Variants in BTBD6 observed in about 807,000 individuals in gnomAD.
BTBD6 encodes the protein BTB domain containing 6.
Under a neutral mutation model 40.6 loss-of-function variants are expected in BTBD6, and 30 were observed. That is an observed-to-expected ratio of 0.74 (90% CI 0.55 to 1.00). The LOEUF is 1.00. Ranked by LOEUF, BTBD6 falls within the 50% of genes least tolerant of loss-of-function variation. The probability of loss-of-function intolerance (pLI) is 0.00; values close to 1 mark genes in which losing one functional copy is unlikely to be tolerated. For synonymous variants in BTBD6, 378 were observed against 308.7 expected, an observed-to-expected ratio of 1.22 and a Z score of -2.35; for missense variants, 698 against 694.6, an observed-to-expected ratio of 1.00 and a Z score of -0.06.
chr14:105,249,269 C>T (rs754443062), intron 2 of BTBD6, 22 bp downstream of exon 2: 13 of 1,563,564 alleles, frequency 8.3e-6, no homozygotes, highest in South Asian at 8.1e-5. Flanking sequence ...CGGCCCCTCT[C>T]GGAACGCGTG....
rs752956082 is a variant in BTBD6, at chr14:105,249,907, G to A, written c.852G>A (p.Thr284=). The change falls in exon 4 of 4, where the codon ACG becomes ACA. Residue 284 remains threonine (T), a synonymous_variant. Coordinates refer to ENST00000392554, the MANE Select transcript of BTBD6 (RefSeq NM_001387567.1). ...SEGFCEIDRQ[T]LEIIVTREAL... ...GCTTCTGTGAGATAGACCGGCAGAC[G>A]CTGGAGATCATTGTCACTCGGGAGG... 6.8e-6 allele frequency: 11 copies of A among 1,611,168 alleles called. No individual in the cohort carries two copies. The highest frequency in any genetic ancestry group is 9.3e-6 in the Non-Finnish European group (11 of 1,179,968).
Position 105,249,097 on chromosome 14 carries a change from C to T in BTBD6, c.374+12C>T, listed in dbSNP as rs1218759105. The T allele has an allele frequency of 2.1e-5, 31 of 1,485,976 alleles. No individual in the cohort carries two copies. The highest frequency in any genetic ancestry group is 2.8e-5 in the Non-Finnish European group (31 of 1,126,454). The allele number at this position is 1,485,976 out of a possible 1,614,324, so 92.0% of individuals were successfully genotyped here. ...ACGCTGCGCGAGAGGTGAGCCCGTG[C>T]CCCGCGGCCCCCGCGCCCGCGCGCG... On this transcript the variant is annotated intron_variant, in intron 1 of 3. Coordinates refer to ENST00000392554, the MANE Select transcript of BTBD6 (RefSeq NM_001387567.1).
In BTBD6 at chr14:105,250,262, C is replaced by G; in HGVS notation, c.1207C>G (p.Gln403Glu). The change falls in exon 4 of 4, where the codon CAG (glutamine) becomes GAG (glutamate). Residue 403 changes from glutamine (Q) to glutamate (E), a missense_variant. Transcript: ENST00000392554. ...CCAGTCTTCTGCCTACCGCAGCAAC[C>G]AGTGGCGGTACCGCGGGCGCTGCGA... ...RFQSSAYRSN[Q>E]WRYRGRCDSI... is the part of the protein sequence containing the mutation. 2.5e-6 allele frequency: 4 copies of G among 1,613,130 alleles called. No homozygotes were observed. The highest frequency in any genetic ancestry group is 3.4e-6 in the Non-Finnish European group (4 of 1,180,040).
chr14:105,248,802 C>T lies in BTBD6; in HGVS notation c.91C>T (p.Arg31Cys). 6 of 983,158 alleles carry T rather than the reference C, an allele frequency of 6.1e-6. No homozygotes were observed. Among genetic ancestry groups the T allele is most frequent in the Non-Finnish European group, 7.2e-6 (6 of 830,248 alleles). 60.9% of individuals were successfully genotyped at this position (983,158 alleles called of 1,614,324 possible). The change falls in exon 1 of 4, where the codon CGC becomes TGC. Residue 31 changes from arginine (R) to cysteine (C), a missense_variant. By Grantham distance (180) the Arg-to-Cys change is radical. Coordinates refer to ENST00000392554, the MANE Select transcript of BTBD6 (RefSeq NM_001387567.1). ...TGCAGAGCCGCTCCCGAGGCCCCGGCGCGGCGCGAGGGCGCGGGGCGCGGC... is the reference window on the plus strand; with the variant it reads ...TGCAGAGCCGCTCCCGAGGCCCCGGTGCGGCGCGAGGGCGCGGGGCGCGGC... ...LLAEPLPRPRRGARARGAAST... is the reference protein window; with the variant it reads ...LLAEPLPRPRCGARARGAAST...
In BTBD6 at chr14:105,250,747, A is replaced by G. The variant is rs1259663311; in HGVS notation, c.*75A>G. The G allele has an allele frequency of 1.8e-5, 26 of 1,418,180 alleles. No individual in the cohort carries two copies. Among genetic ancestry groups the G allele is most frequent in the Middle Eastern group, 2.6e-4 (1 of 3,910 alleles). The allele number at this position is 1,418,180 out of a possible 1,614,324, so 87.8% of individuals were successfully genotyped here. A position where few individuals can be genotyped will look rare whatever the true frequency, so the allele number is the denominator to read the frequency against. ...AAGATGCTAACTGCTTCTTGACACC[A>G]TGAAAGGCTGCTCTTAACTTTGTCT... On this transcript the variant is annotated 3_prime_UTR_variant, in exon 4 of 4. Coordinates refer to ENST00000392554, the MANE Select transcript of BTBD6 (RefSeq NM_001387567.1).
Position 105,248,568 on chromosome 14 carries a change from C to CGCGG in BTBD6, c.-144_-143insGCGG. 1 of 203,502 alleles carries CGCGG rather than the reference C, an allele frequency of 4.9e-6. No individual in the cohort carries two copies. Among genetic ancestry groups the CGCGG allele is most frequent in the African/African-American group, 5.1e-5 (1 of 19,430 alleles). 12.6% of individuals were successfully genotyped at this position (203,502 alleles called of 1,614,324 possible). A position where few individuals can be genotyped will look rare whatever the true frequency, so the allele number is the denominator to read the frequency against. ...GCACCGGCGCCGCGGCGGGTACGGG[C>CGCGG]TCGGGCGGGCGGGCGGGCGGGACGG... On this transcript the variant is annotated 5_prime_UTR_variant, in exon 1 of 4. Coordinates refer to ENST00000392554, the MANE Select transcript of BTBD6 (RefSeq NM_001387567.1).
At position 105,248,851 on chromosome 14, in the gene BTBD6, C is replaced by T; in HGVS notation, c.140C>T (p.Pro47Leu). 1.0e-6 allele frequency: 1 copy of T among 990,676 alleles called. No homozygotes were observed. The highest frequency in any genetic ancestry group is 1.2e-6 in the Non-Finnish European group (1 of 834,724). 61.4% of individuals were successfully genotyped at this position (990,676 alleles called of 1,614,324 possible). The stretch of plus-strand genomic sequence containing the variant: ...GCGTCCACAGGCGCCGAGGCTGCCC[C>T]CGCCGCCCCGCCCGCGAAGATGGCG... ...GAASTGAEAA[P>L]AAPPAKMAAE... is the part of the protein sequence containing the mutation. Residue 47 changes from proline to leucine, a missense_variant, in exon 1 of 4, where the codon CCC (proline) becomes CTC (leucine). Coordinates refer to ENST00000392554, the MANE Select transcript of BTBD6 (RefSeq NM_001387567.1).
chr14:105,248,811 A>T lies in BTBD6; in HGVS notation c.100A>T (p.Arg34Trp). ...GCTCCCGAGGCCCCGGCGCGGCGCGAGGGCGCGGGGCGCGGCGTCCACAGG... is the reference window on the plus strand; with the variant it reads ...GCTCCCGAGGCCCCGGCGCGGCGCGTGGGCGCGGGGCGCGGCGTCCACAGG... ...EPLPRPRRGARARGAASTGAE... is the reference protein window; with the variant it reads ...EPLPRPRRGAWARGAASTGAE... The change falls in exon 1 of 4, where the codon AGG (arginine) becomes TGG (tryptophan). Residue 34 changes from arginine to tryptophan, a missense_variant. Physicochemically the swap from Arg to Trp is moderately radical, Grantham distance 101 (BLOSUM62 -3). Transcript: ENST00000392554. 2.0e-6 allele frequency: 2 copies of T among 983,466 alleles called. No individual in the cohort carries two copies. The highest frequency in any genetic ancestry group is 2.4e-6 in the Non-Finnish European group (2 of 830,728). 60.9% of individuals were successfully genotyped at this position (983,466 alleles called of 1,614,324 possible).
At position 105,250,918 on chromosome 14, in the gene BTBD6, C is replaced by T. The variant is rs1409789835; in HGVS notation, c.*246C>T. On this transcript the variant is annotated 3_prime_UTR_variant, in exon 4 of 4. Transcript: ENST00000392554. ...AAGATTTACGGCTCAAGACAGGCCC[C>T]AGATCCCCTCCCAGTGGCACCCATG... 7.8e-6 allele frequency: 4 copies of T among 515,624 alleles called. No individual in the cohort carries two copies. Among genetic ancestry groups the T allele is most frequent in the African/African-American group, 7.7e-5 (4 of 52,122 alleles). The allele number at this position is 515,624 out of a possible 1,614,324, so 31.9% of individuals were successfully genotyped here. A position where few individuals can be genotyped will look rare whatever the true frequency, so the allele number is the denominator to read the frequency against.
chr14:105,249,454 C>T lies in BTBD6; in HGVS notation c.560C>T (p.Pro187Leu). 2 of 1,613,658 alleles carry T rather than the reference C, an allele frequency of 1.2e-6. No homozygotes were observed. Among genetic ancestry groups the T allele is most frequent in the Non-Finnish European group, 1.7e-6 (2 of 1,180,016 alleles). ...GAAATTCACATTCCAGACGTGGAGCCCGCAGCCTTTCTGATCCTCTTAAAG... is the reference window on the plus strand; with the variant it reads ...GAAATTCACATTCCAGACGTGGAGCTCGCAGCCTTTCTGATCCTCTTAAAG... The part of the protein sequence containing the change: ...KSEIHIPDVE[P>L]AAFLILLKYM... The change falls in exon 3 of 4, where the codon CCC (proline) becomes CTC (leucine). Residue 187 changes from proline (P) to leucine (L), a missense_variant. Physicochemically the swap from Pro to Leu is moderately conservative, Grantham distance 98 (BLOSUM62 -3). Coordinates refer to ENST00000392554, the MANE Select transcript of BTBD6 (RefSeq NM_001387567.1).
chr14:105,248,687 G>A lies in BTBD6; in HGVS notation c.-25G>A, dbSNP rs1182330309. ...TGGCAGGGGAGCGGGTGGCAGCCCCGCGGGTCACAGCGCCGCCGCCGCCCA... is the reference window on the plus strand; with the variant it reads ...TGGCAGGGGAGCGGGTGGCAGCCCCACGGGTCACAGCGCCGCCGCCGCCCA... On this transcript the variant is annotated 5_prime_UTR_variant, in exon 1 of 4. Coordinates refer to ENST00000392554, the MANE Select transcript of BTBD6 (RefSeq NM_001387567.1). 2 of 981,874 alleles carry A rather than the reference G, an allele frequency of 2.0e-6. No individual in the cohort carries two copies. Among genetic ancestry groups the A allele is most frequent in the Non-Finnish European group, 2.4e-6 (2 of 829,062 alleles). 60.8% of individuals were successfully genotyped at this position (981,874 alleles called of 1,614,324 possible). A position where few individuals can be genotyped will look rare whatever the true frequency, so the allele number is the denominator to read the frequency against.
Position 105,248,673 on chromosome 14 carries a change from C to G in BTBD6, c.-39C>G. 1.0e-6 allele frequency: 1 copy of G among 981,518 alleles called. No homozygotes were observed. Among genetic ancestry groups the G allele is most frequent in the Non-Finnish European group, 1.2e-6 (1 of 828,774 alleles). The allele number at this position is 981,518 out of a possible 1,614,324, so 60.8% of individuals were successfully genotyped here. On this transcript the variant is annotated 5_prime_UTR_variant, in exon 1 of 4. Transcript: ENST00000392554. ...CGCAGGGGCGGGGGTGGCAGGGGAG[C>G]GGGTGGCAGCCCCGCGGGTCACAGC...
chr14:105,248,674 G>A lies in BTBD6; in HGVS notation c.-38G>A, dbSNP rs1249198904. Reference sequence around the variant, plus strand: ...GCAGGGGCGGGGGTGGCAGGGGAGCGGGTGGCAGCCCCGCGGGTCACAGCG... The same window carrying A: ...GCAGGGGCGGGGGTGGCAGGGGAGCAGGTGGCAGCCCCGCGGGTCACAGCG... On this transcript the variant is annotated 5_prime_UTR_variant, in exon 1 of 4. Coordinates refer to ENST00000392554, the MANE Select transcript of BTBD6 (RefSeq NM_001387567.1). 2.8e-5 allele frequency: 27 copies of A among 981,704 alleles called. 2 individuals are homozygous for A. Among genetic ancestry groups the A allele is most frequent in the South Asian group, 1.4e-4 (3 of 21,300 alleles). The allele number at this position is 981,704 out of a possible 1,614,324, so 60.8% of individuals were successfully genotyped here.
In BTBD6 at chr14:105,250,743, C is replaced by A; in HGVS notation, c.*71C>A. ...AGTCAAGATGCTAACTGCTTCTTGA[C>A]ACCATGAAAGGCTGCTCTTAACTTT... is the stretch of plus-strand genomic sequence containing the variant. On this transcript the variant is annotated 3_prime_UTR_variant, in exon 4 of 4. Coordinates refer to ENST00000392554, the MANE Select transcript of BTBD6 (RefSeq NM_001387567.1). The A allele has an allele frequency of 6.9e-7, 1 of 1,454,410 alleles. No individual in the cohort carries two copies. The highest frequency in any genetic ancestry group is 9.4e-7 in the Non-Finnish European group (1 of 1,067,116). The allele number at this position is 1,454,410 out of a possible 1,614,324, so 90.1% of individuals were successfully genotyped here.
At position 105,248,565 on chromosome 14, in the gene BTBD6, G is replaced by A; in HGVS notation, c.-147G>A. ...GACGCACCGGCGCCGCGGCGGGTAC[G>A]GGCTCGGGCGGGCGGGCGGGCGGGA... On this transcript the variant is annotated 5_prime_UTR_variant, in exon 1 of 4. Coordinates refer to ENST00000392554, the MANE Select transcript of BTBD6 (RefSeq NM_001387567.1). The A allele has an allele frequency of 4.7e-6, 4 of 843,018 alleles. No individual in the cohort carries two copies. Among genetic ancestry groups the A allele is most frequent in the Non-Finnish European group, 5.6e-6 (4 of 715,952 alleles). 52.2% of individuals were successfully genotyped at this position (843,018 alleles called of 1,614,324 possible).
At position 105,249,710 on chromosome 14, in the gene BTBD6, T is replaced by C; in HGVS notation, c.655T>C (p.Tyr219His). 6.2e-7 allele frequency: 1 copy of C among 1,613,816 alleles called. No homozygotes were observed. Among genetic ancestry groups the C allele is most frequent in the South Asian group, 1.1e-5 (1 of 91,084 alleles). ...GGCCACTCTGTACGCTGCTAAGAAG[T>C]ACATCGTCCCAGCATTGGCAAAAGC... The part of the protein sequence containing the change: ...VLATLYAAKK[Y>H]IVPALAKACV... The change falls in exon 4 of 4, where the codon TAC becomes CAC. Residue 219 changes from tyrosine (Y) to histidine (H), a missense_variant. Coordinates refer to ENST00000392554, the MANE Select transcript of BTBD6 (RefSeq NM_001387567.1).
rs759463644 is a variant in BTBD6 at position 105,249,353 on chromosome 14, C to T, written c.466-7C>T. 6 of 1,609,334 alleles carry T rather than the reference C, an allele frequency of 3.7e-6. No individual in the cohort carries two copies. Among genetic ancestry groups the T allele is most frequent in the South Asian group, 1.1e-5 (1 of 90,480 alleles). On this transcript the variant is annotated splice_region_variant and splice_polypyrimidine_tract_variant and intron_variant, in intron 2 of 3. Transcript: ENST00000392554. ...GCCAGGCTCACGGCGGCGCTTTCTC[C>T]TCCCAGTACGTCTTGGCTGTCGGCA...
Position 105,250,450 on chromosome 14 carries a change from C to G in BTBD6, c.1395C>G (p.Asn465Lys). The change falls in exon 4 of 4, where the codon AAC (asparagine) becomes AAG (lysine). Residue 465 changes from asparagine (N) to lysine (K), a missense_variant. Coordinates refer to ENST00000392554, the MANE Select transcript of BTBD6 (RefSeq NM_001387567.1). ...LTKFMSDGSSNTFPVWFEHPV... is the reference protein window; with the variant it reads ...LTKFMSDGSSKTFPVWFEHPV... ...AGTTCATGTCAGACGGATCCAGTAA[C>G]ACCTTCCCGGTCTGGTTTGAACACC... The G allele has an allele frequency of 6.2e-7, 1 of 1,614,020 alleles. No homozygotes were observed. Among genetic ancestry groups the G allele is most frequent in the Non-Finnish European group, 8.5e-7 (1 of 1,180,034 alleles).
rs749429897 is a variant in BTBD6, at chr14:105,249,626, C to T, written c.585-14C>T. 7 of 1,597,964 alleles carry T rather than the reference C, an allele frequency of 4.4e-6. No individual in the cohort carries two copies. The highest frequency in any genetic ancestry group is 3.4e-5 in the Admixed American group (2 of 58,646). On this transcript the variant is annotated splice_polypyrimidine_tract_variant and intron_variant, in intron 3 of 3. Coordinates refer to ENST00000392554, the MANE Select transcript of BTBD6 (RefSeq NM_001387567.1). ...TTGGGAGCCAGCCCCTGACGCGGGC[C>T]CTGCCTCGCCTAGGTACATGTACAG... is the stretch of plus-strand genomic sequence containing the variant.
Sources: gnomAD v4.1 joint callset for allele counts on GRCh38, gnomAD v4.1.1 for gene constraint, MANE v1.5 for transcripts, NCBI Gene and HGNC (gene_info 2026-07-23, HGNC 2026-07-21) for gene names.